The following SYCP3 variants were observed in gnomAD, a reference collection of about 807,000 sequenced individuals.
SYCP3 encodes synaptonemal complex protein 3.
In SYCP3, 29 loss-of-function variants were observed where a neutral mutation model predicts 38.5. That is an observed-to-expected ratio of 0.75 (90% CI 0.56 to 1.03). The LOEUF (loss-of-function observed/expected upper bound fraction) is 1.03. SYCP3 is among the 50% of genes least tolerant of loss of function. SYCP3 has a pLI of 0.00. For synonymous variants in SYCP3, 79 were observed against 80.3 expected (o/e 0.98, Z 0.08); for missense variants, 242 against 270.7 (o/e 0.89, Z 0.74).
At chr12:101,730,552 A>G in intron 7 of SYCP3, 1 of 374,016 alleles carries the variant, frequency 2.7e-6, no homozygotes, top group South Asian at 2.0e-5. Flanking sequence ...GGAGTACAGT[A>G]GTACGATTTC....
At chr12:101,734,366 C>T (rs1044457575) in intron 5 of SYCP3, among the ~76,000 whole-genome samples, 2 of 152,086 alleles carry the variant, frequency 1.3e-5, no homozygotes, top group African/African-American at 4.8e-5. Context: ...TCAAGACCAG[C>T]CTGGGCAACA....
At chr12:101,739,297 G>C in intron 1 of SYCP3, 54 bp downstream of exon 1, 2 of 1,002,514 alleles carry the variant, frequency 2.0e-6, no homozygotes, top group Non-Finnish European at 2.4e-6. Context: ...CACTGGTCAA[G>C]GGCAGCCTCT....
At chr12:101,737,455 A>G (rs1952498295) in intron 2 of SYCP3, 157 bp from the exon 3 acceptor site, 1 of 746,004 alleles carries the variant, frequency 1.3e-6, no homozygotes, top group East Asian at 2.6e-5. Flanking sequence ...TCTGCAGGTT[A>G]GGTGAAATTA....
intron 3 of SYCP3, 76 bp downstream of exon 3, chr12:101,737,156 T>A (rs1952482109): frequency 6.2e-7 from 1 of 1,602,560 alleles, no homozygotes; most frequent in African/African-American, 1.3e-5. Context: ...TGCCAAGTAT[T>A]TTACATATAT....
chr12:101,734,695 A>C (rs926024567), intron 5 of SYCP3, among the ~76,000 whole-genome samples: 14 of 152,084 alleles, frequency 9.2e-5, no homozygotes, highest in African/African-American at 3.1e-4. Context: ...TCCTAGGTTC[A>C]AGCGAGCACG....
chr12:101,737,612 G>A, intron 2 of SYCP3, 191 bp downstream of exon 2: 2 of 765,812 alleles, frequency 2.6e-6, no homozygotes, highest in Admixed American at 2.5e-5. Flanking sequence ...CTCCGATACT[G>A]CAATATAAGG....
At position 101,728,756 on chromosome 12, in the gene SYCP3, A is replaced by G; in HGVS notation, c.*171T>C. On this transcript the variant is annotated 3_prime_UTR_variant, in exon 9 of 9. Coordinates refer to ENST00000392924, the MANE Select transcript of SYCP3 (RefSeq NM_001177949.2). ...TATTCTTTAGGAATAGTTGCTAACT[A>G]ACTCATAACTATTTAGATTTGACTT... 1 of 867,314 alleles carries G rather than the reference A, an allele frequency of 1.2e-6. No individual in the cohort carries two copies. The highest frequency in any genetic ancestry group is 1.7e-6 in the Non-Finnish European group (1 of 572,388). The allele number at this position is 867,314 out of a possible 1,614,324, so 53.7% of individuals were successfully genotyped here.
At chr12:101,738,397 C>A (rs151054077) in intron 1 of SYCP3, among the ~76,000 whole-genome samples, 4,842 of 151,318 alleles carry the variant, frequency 0.032, 263 homozygotes, top group African/African-American at 0.11. Context: ...CCACTGCACT[C>A]CAGCCTGGGT....
chr12:101,735,327 G>C (rs1952359233), intron 4 of SYCP3, among the ~76,000 whole-genome samples: 1 of 151,988 alleles, frequency 6.6e-6, no homozygotes, highest in Non-Finnish European at 1.5e-5. Context: ...AATGTGTCAA[G>C]GACAGACTTT....
At position 101,739,440 on chromosome 12, in the gene SYCP3, G is replaced by T. The variant is rs1052571049; in HGVS notation, c.-107C>A. 27 of 1,002,580 alleles carry T rather than the reference G, an allele frequency of 2.7e-5. No homozygotes were observed. Among genetic ancestry groups the T allele is most frequent in the African/African-American group, 5.2e-5 (3 of 57,336 alleles). 62.1% of individuals were successfully genotyped at this position (1,002,580 alleles called of 1,614,324 possible). ...TCCACAAGCGCGCTTCACCTGAGGT[G>T]GCCCCTTCTCCGCGACGCTTCTGAG... is the stretch of plus-strand genomic sequence containing the variant. On this transcript the variant is annotated 5_prime_UTR_variant, in exon 1 of 9. Transcript: ENST00000392924.
At chr12:101,729,279 C>A (rs757783481) in intron 7 of SYCP3, 66 bp from the exon 8 acceptor site, 11 of 1,458,030 alleles carry the variant, frequency 7.5e-6, no homozygotes, top group Non-Finnish European at 1.0e-5. Context: ...TAAACTTGTA[C>A]AATTAATTTT....
At chr12:101,739,010 G>C (rs1952597637) in intron 1 of SYCP3, among the ~76,000 whole-genome samples, 1 of 152,224 alleles carries the variant, frequency 6.6e-6, no homozygotes, top group Non-Finnish European at 1.5e-5. Flanking sequence ...AATGAACACA[G>C]GCAGAAGATT....
In SYCP3 at chr12:101,735,871, A is replaced by ATATATATATATATATATATTTTT; in HGVS notation, c.236-828_236-827insAAAAATATATATATATATATATA. Among the ~76,000 whole-genome samples the ATATATATATATATATATATTTTT allele has an allele frequency of 1.1e-4, 8 of 74,782 alleles. 1 individual carries two copies. The highest frequency in any genetic ancestry group is 1.8e-4 in the Non-Finnish European group (7 of 39,992). 49.1% of individuals were successfully genotyped at this position (74,782 alleles called of 152,430 possible). A position where few individuals can be genotyped will look rare whatever the true frequency, so the allele number is the denominator to read the frequency against. The stretch of plus-strand genomic sequence containing the variant: ...CAATTTTATATATATATATATATAT[A>ATATATATATATATATATATTTTT]TTTTTTTTTTTTTAAAGACACGGGG... On this transcript the variant is annotated intron_variant, in intron 4 of 8. Transcript: ENST00000392924.
At chr12:101,730,315 G>A (rs1039769155) in intron 7 of SYCP3, among the ~76,000 whole-genome samples, 1 of 151,972 alleles carries the variant, frequency 6.6e-6, no homozygotes, top group East Asian at 1.9e-4. Context: ...AGAGTCAAAG[G>A]TTATACTATA....
chr12:101,737,677 C>T, intron 2 of SYCP3, 126 bp downstream of exon 2: 1 of 1,375,950 alleles, frequency 7.3e-7, no homozygotes, highest in South Asian at 1.2e-5. Flanking sequence ...GTTCTGTAAC[C>T]ACAAATACCG....
chr12:101,733,533 A>G, intron 6 of SYCP3, 42 bp downstream of exon 6: 2 of 1,553,736 alleles, frequency 1.3e-6, no homozygotes, highest in Non-Finnish European at 1.8e-6. Flanking sequence ...GTCCATTCCT[A>G]CTTGAGACTT....
intron 1 of SYCP3, 171 bp downstream of exon 1, chr12:101,739,180 G>T: frequency 1.4e-5 from 3 of 212,868 alleles, no homozygotes; most frequent in Non-Finnish European, 2.3e-5. Context: ...AGCCCAGCCC[G>T]CCCGCTTTCC....
chr12:101,731,554 C>A lies in SYCP3; in HGVS notation c.552+14G>T, dbSNP rs779285587. 1 of 1,535,752 alleles carries A rather than the reference C, an allele frequency of 6.5e-7. No homozygotes were observed. The highest frequency in any genetic ancestry group is 8.9e-7 in the Non-Finnish European group (1 of 1,121,812). ...GTTTTATAACGATGTATTGTGTTAC[C>A]ACATACAACAAACCTTTATGAACTG... On this transcript the variant is annotated intron_variant, in intron 7 of 8. Transcript: ENST00000392924.
At chr12:101,735,871 A>ATATATATATATATATATATATATTTTTT in intron 4 of SYCP3, among the ~76,000 whole-genome samples, 7 of 74,742 alleles carry the variant, frequency 9.4e-5, no homozygotes, top group South Asian at 8.5e-4. Context: ...ATATATATAT[A>ATATATATATATATATATATATATTTTTT]TTTTTTTTTT....
Sources: gnomAD v4.1 joint callset for allele counts (sites outside exome capture counted in the v4.1 genomes callset) on GRCh38, gnomAD v4.1.1 for gene constraint, MANE v1.5 for transcripts, NCBI Gene and HGNC (gene_info 2026-07-23, HGNC 2026-07-21) for gene names.